The following THRB variants were observed in gnomAD, a reference collection of about 807,000 sequenced individuals.
THRB encodes nuclear receptor subfamily 1 group A member 2.
A neutral mutation model predicts 47.8 loss-of-function variants in THRB; 12 were observed. The observed-to-expected ratio is 0.25, with a 90% CI of 0.16 to 0.41. THRB has a LOEUF of 0.41. THRB is among the 10% of genes least tolerant of loss of function. The probability of loss-of-function intolerance (pLI) is 1.00; values close to 1 mark genes in which losing one functional copy is unlikely to be tolerated. For synonymous variants in THRB, 218 were observed against 212.2 expected (o/e 1.03, Z -0.24); for missense variants, 348 against 589.2 (o/e 0.59, Z 4.24).
chr3:24,159,778 T>C (rs1277054799), intron 5 of THRB, among the ~76,000 whole-genome samples: 1 of 150,836 alleles, frequency 6.6e-6, no homozygotes, highest in Non-Finnish European at 1.5e-5. Flanking sequence ...TGTTTGCTAC[T>C]GGTGTCCAGT....
intron 3 of THRB, among the ~76,000 whole-genome samples, chr3:24,268,162 A>C (rs1227431879): frequency 6.6e-6 from 1 of 152,198 alleles, no homozygotes; most frequent in Non-Finnish European, 1.5e-5. Flanking sequence ...CATTCTCAAA[A>C]ATGGAGGAAC....
rs117612013 is a variant in THRB, at chr3:24,226,005, T to G, written c.22+2933A>C. ...GTAACCTCAAAAAATAAACAATTAT[T>G]CATTCGAGTTAGTGCAAAGTACATA... On this transcript the variant is annotated intron_variant, in intron 4 of 10. Coordinates refer to ENST00000646209, the MANE Select transcript of THRB (RefSeq NM_001354712.2). Among the ~76,000 whole-genome samples, 33 of 152,256 alleles carry G rather than the reference T, an allele frequency of 2.2e-4. 1 individual carries two copies. The East Asian group carries it at 4.6e-3, about 21-fold the overall frequency.
chr3:24,460,628 A>G (rs2073610496), intron 1 of THRB, among the ~76,000 whole-genome samples: 1 of 152,196 alleles, frequency 6.6e-6, no homozygotes, highest in South Asian at 2.1e-4. Context: ...TTATTTGTCT[A>G]TGAGATTGTA....
chr3:24,125,836 T>G (rs1330419899), intron 10 of THRB, among the ~76,000 whole-genome samples: 1 of 152,140 alleles, frequency 6.6e-6, no homozygotes, highest in African/African-American at 2.4e-5. Flanking sequence ...ATTTGCCATA[T>G]TCTCTTGGCT....
chr3:24,423,085 C>T (rs565011130), intron 1 of THRB, among the ~76,000 whole-genome samples: 1 of 152,000 alleles, frequency 6.6e-6, no homozygotes, highest in East Asian at 2.0e-4. Context: ...GAAGCACCAG[C>T]TCACCATATA....
rs2057890551 is a variant in THRB at position 24,313,358 on chromosome 3, A to T, written c.-188-15987T>A. ...CCTTTCACATCCAGAAATGCCTTGG[A>T]TGTAGTGCTCCATCAAATTTGCTGC... On this transcript the variant is annotated intron_variant, in intron 2 of 10. Coordinates refer to ENST00000646209, the MANE Select transcript of THRB (RefSeq NM_001354712.2). Among the ~76,000 whole-genome samples, 3 of 152,152 alleles carry T rather than the reference A, an allele frequency of 2.0e-5. No individual in the cohort carries two copies. In the South Asian group the frequency reaches 6.2e-4, roughly 32 times the overall value.
intron 3 of THRB, among the ~76,000 whole-genome samples, chr3:24,232,484 G>A (rs1345993512): frequency 6.6e-6 from 1 of 152,194 alleles, no homozygotes; most frequent in Non-Finnish European, 1.5e-5. Context: ...GAGTGGAGGT[G>A]ACCCCAGACC....
At chr3:24,216,985 G>T (rs4858589) in intron 4 of THRB, among the ~76,000 whole-genome samples, 5,123 of 151,596 alleles carry the variant, frequency 0.034, 276 homozygotes, top group African/African-American at 0.12. Context: ...GCAGTAATTG[G>T]TATTCTGATG....
chr3:24,482,326 C>A (rs901221714), intron 1 of THRB, among the ~76,000 whole-genome samples: 5 of 152,114 alleles, frequency 3.3e-5, no homozygotes, highest in African/African-American at 1.2e-4. Flanking sequence ...GAAGTAAATA[C>A]CAACATTCTT....
intron 3 of THRB, among the ~76,000 whole-genome samples, chr3:24,262,493 G>T (rs2150515017): frequency 6.6e-6 from 1 of 152,308 alleles, no homozygotes; most frequent in South Asian, 2.1e-4. Context: ...CCCTCTGATT[G>T]TGTCTTCAGC....
rs1014237499 is a variant in THRB at position 24,395,090 on chromosome 3, C to T, written c.-260-57719G>A. On this transcript the variant is annotated intron_variant, in intron 1 of 10. Transcript: ENST00000646209. ...CACATGCAGAAGAATGAAGCTGGAA[C>T]CCTTCCTCATGTCATATGGAAAAAT... Among the ~76,000 whole-genome samples the T allele has an allele frequency of 2.0e-5, 3 of 152,046 alleles. No homozygotes were observed. The East Asian group carries it at 5.8e-4, about 29-fold the overall frequency.
chr3:24,311,050 C>T (rs944845087), intron 2 of THRB, among the ~76,000 whole-genome samples: 5 of 152,022 alleles, frequency 3.3e-5, no homozygotes, highest in African/African-American at 1.2e-4. Context: ...TCTGTCTCTC[C>T]CACATTCACA....
chr3:24,152,950 G>A (rs1292771997), intron 5 of THRB, among the ~76,000 whole-genome samples: 6 of 126,986 alleles, frequency 4.7e-5, no homozygotes, highest in East Asian at 2.3e-4. Flanking sequence ...CGACAAGAGC[G>A]AAATTCTGCC....
chr3:24,217,086 A>G (rs1041492756), intron 4 of THRB, among the ~76,000 whole-genome samples: 1 of 148,494 alleles, frequency 6.7e-6, no homozygotes, highest in Non-Finnish European at 1.5e-5. Context: ...AATAAATATT[A>G]TAAGAATTAT....
intron 2 of THRB, among the ~76,000 whole-genome samples, chr3:24,318,963 A>G (rs576562795): frequency 1.3e-5 from 2 of 152,348 alleles, no homozygotes; most frequent in African/African-American, 2.4e-5. Flanking sequence ...CTGAACCAAG[A>G]ATTTAAAAAC....
At chr3:24,462,560 G>A (rs2073800807) in intron 1 of THRB, among the ~76,000 whole-genome samples, 1 of 152,172 alleles carries the variant, frequency 6.6e-6, no homozygotes, top group South Asian at 2.1e-4. Flanking sequence ...GTAATACATA[G>A]TAAAGAAATC....
intron 3 of THRB, among the ~76,000 whole-genome samples, chr3:24,251,668 A>T (rs2150366208): frequency 6.6e-6 from 1 of 152,126 alleles, no homozygotes; most frequent in African/African-American, 2.4e-5. Flanking sequence ...GGAAAAACTT[A>T]AACACTGTCA....
At chr3:24,224,223 A>G (rs971899448) in intron 4 of THRB, among the ~76,000 whole-genome samples, 24 of 152,194 alleles carry the variant, frequency 1.6e-4, no homozygotes, top group Non-Finnish European at 2.9e-4. Context: ...AAGGCAGTTC[A>G]TTATATATTC....
intron 1 of THRB, among the ~76,000 whole-genome samples, chr3:24,359,822 C>CT (rs1485816440): frequency 6.6e-6 from 1 of 152,174 alleles, no homozygotes; most frequent in African/African-American, 2.4e-5. Context: ...CTGCTACCCA[C>CT]TTCTGGCCAC....
Sources: allele counts gnomAD v4.1 joint callset (sites outside exome capture counted in the v4.1 genomes callset), GRCh38; gene constraint gnomAD v4.1.1; transcripts MANE v1.5; gene names NCBI Gene and HGNC (gene_info 2026-07-23, HGNC 2026-07-21).